KMT2D: variants seen among roughly 807,000 people sequenced by gnomAD.
KMT2D encodes lysine methyltransferase 2D, also known as histone-lysine N-methyltransferase 2D.
In KMT2D, 55 loss-of-function variants were observed where a neutral mutation model predicts 512.7. The observed-to-expected ratio is 0.11, with a 90% CI of 0.09 to 0.13. KMT2D has a LOEUF of 0.13. Ranked by LOEUF, KMT2D falls within the 10% of genes least tolerant of loss-of-function variation. KMT2D has a pLI of 1.00. For missense variants in KMT2D, 6,061 were observed against 7,127.9 expected (o/e 0.85, Z 5.39); for synonymous variants, 2,995 against 2,904.0 (o/e 1.03, Z -1.01).
chr12:49,057,206 C>T (rs1364457719), intron 1 of KMT2D, among the ~76,000 whole-genome samples: 3 of 152,180 alleles, frequency 2.0e-5, no homozygotes, highest in Admixed American at 2.0e-4. Flanking sequence ...CTGGCCACAC[C>T]CGGAAGGTCC....
chr12:49,035,021 A>G (rs1479375952), intron 35 of KMT2D, 86 bp from the exon 36 acceptor site: 19 of 1,536,034 alleles, frequency 1.2e-5, no homozygotes, highest in Non-Finnish European at 1.7e-5. Context: ...CCTGACTTCA[A>G]CCACGCCAGG....
chr12:49,034,127 A>G lies in KMT2D; in HGVS notation c.10680T>C (p.Asp3560=). ...CTGTAACCAGCTTGAGCTTCTCAGC[A>G]TCAGCTTCTGGGAACTCACGGCCAG... ...KKAGREFPEA[D]AEKLKLVTEQ... Residue 3560 remains aspartate, a synonymous_variant, in exon 39 of 55, where the codon GAT becomes GAC. Transcript: ENST00000301067. The G allele has an allele frequency of 2.5e-6, 4 of 1,613,212 alleles. No individual in the cohort carries two copies. The highest frequency in any genetic ancestry group is 2.5e-6 in the Non-Finnish European group (3 of 1,179,886).
chr12:49,046,117 G>C lies in KMT2D; in HGVS notation c.4641C>G (p.Ala1547=), dbSNP rs377048725. 6.2e-7 allele frequency: 1 copy of C among 1,610,864 alleles called. No individual in the cohort carries two copies. Among genetic ancestry groups the C allele is most frequent in the South Asian group, 1.1e-5 (1 of 90,510 alleles). The change falls in exon 18 of 55, where the codon GCC becomes GCG. Residue 1547 remains alanine, a synonymous_variant. Coordinates refer to ENST00000301067, the MANE Select transcript of KMT2D (RefSeq NM_003482.4). This position sits in a 1 kb window ranked among gnomAD's most constrained non-coding sequence, Gnocchi z 4.2. ...AGGAGACACAGTCAAAGCCTTCATC[G>C]GCTGCCTGCTCCACATCGTCCTCTG... ...LFTEDDVEQA[A]DEGFDCVSCQ...
In KMT2D at chr12:49,024,564, C is replaced by T. The variant is rs2137710473; in HGVS notation, c.16052+14G>A. ...CCACACCCACATCCCTTGGCTCCAG[C>T]ATCACAAGCTCACCGTTTGTAGTGT... On this transcript the variant is annotated intron_variant, in intron 51 of 54. Coordinates refer to ENST00000301067, the MANE Select transcript of KMT2D (RefSeq NM_003482.4). This position sits in a 1 kb window ranked among gnomAD's most constrained non-coding sequence, Gnocchi z 4.5. 2 of 1,596,820 alleles carry T rather than the reference C, an allele frequency of 1.3e-6. No homozygotes were observed. The highest frequency in any genetic ancestry group is 1.7e-6 in the Non-Finnish European group (2 of 1,168,970).
chr12:49,043,823 G>A (rs1473584787), intron 23 of KMT2D, 41 bp from the exon 24 acceptor site: 5 of 1,613,824 alleles, frequency 3.1e-6, no homozygotes, highest in East Asian at 2.2e-5. Context: ...TTCATGCCCT[G>A]CAGGGCACAG....
In KMT2D at chr12:49,032,612, T is replaced by C; in HGVS notation, c.12093A>G (p.Pro4031=). The change falls in exon 40 of 55, where the codon CCA becomes CCG. Residue 4031 remains proline (P), a synonymous_variant. Transcript: ENST00000301067. ...LTGKEQNTVD[P]AVSSEATEGP... ...CCTCAGTGGCCTCTGAAGAAACGGC[T>C]GGGTCTACGGTGTTTTGTTCCTTGC... 1 of 1,614,004 alleles carries C rather than the reference T, an allele frequency of 6.2e-7. No individual in the cohort carries two copies. The highest frequency in any genetic ancestry group is 8.5e-7 in the Non-Finnish European group (1 of 1,179,882).
chr12:49,056,121 G>A (rs988625575), intron 1 of KMT2D, among the ~76,000 whole-genome samples: 1 of 152,200 alleles, frequency 6.6e-6, no homozygotes. Flanking sequence ...GTTAACAGAA[G>A]TGGACCTTGA....
chr12:49,035,893 T>C (rs1943192802), intron 35 of KMT2D: 1 of 152,128 alleles, frequency 6.6e-6, no homozygotes, highest in Non-Finnish European at 1.5e-5. Context: ...TAACCCAAAC[T>C]CCCTCTCCTG....
Position 49,037,690 on chromosome 12 carries a change from C to T in KMT2D, c.9666G>A (p.Leu3222=), listed in dbSNP as rs753677026. 1 of 1,585,856 alleles carries T rather than the reference C, an allele frequency of 6.3e-7. No individual in the cohort carries two copies. The highest frequency in any genetic ancestry group is 8.6e-7 in the Non-Finnish European group (1 of 1,165,942). ...KFELESGALT[L]PGGPAASGDE... ...CCCCAGATGCTGCAGGTCCACCAGGCAAGGTCAAAGCCCCACTCTCGAGCT... is the reference window on the plus strand; with the variant it reads ...CCCCAGATGCTGCAGGTCCACCAGGTAAGGTCAAAGCCCCACTCTCGAGCT... The change falls in exon 35 of 55, where the codon TTG becomes TTA. Residue 3222 remains leucine (L), a synonymous_variant. Transcript: ENST00000301067.
In KMT2D at chr12:49,046,093, G is replaced by C. The variant is rs780062908; in HGVS notation, c.4665C>G (p.Ser1555=). 1 of 1,611,492 alleles carries C rather than the reference G, an allele frequency of 6.2e-7. No homozygotes were observed. The highest frequency in any genetic ancestry group is 1.1e-5 in the South Asian group (1 of 90,622). The part of the protein sequence containing the change: ...QAADEGFDCV[S]CQPYVVKPVA... The stretch of plus-strand genomic sequence containing the variant: ...CAGGCTTTACCACGTAGGGCTGGCA[G>C]GAGACACAGTCAAAGCCTTCATCGG... Residue 1555 remains serine, a synonymous_variant, in exon 18 of 55, where the codon TCC becomes TCG. Coordinates refer to ENST00000301067, the MANE Select transcript of KMT2D (RefSeq NM_003482.4). This position sits in a 1 kb window ranked among gnomAD's most constrained non-coding sequence, Gnocchi z 4.2.
In KMT2D at chr12:49,024,870, A is replaced by G. The variant is rs1286288559; in HGVS notation, c.15861T>C (p.Tyr5287=). ...EADMLRLFPE[Y]LKGEELFGLT... is the part of the protein sequence containing the mutation. ...GCCCAAAGAGCTCCTCGCCCTTCAG[A>G]TACTCAGGGAAGAGTCGCAGCATGT... The change falls in exon 50 of 55, where the codon TAT becomes TAC. Residue 5287 remains tyrosine (Y), a synonymous_variant. Transcript: ENST00000301067. The surrounding 1 kb of genome is among the most constrained non-coding windows in gnomAD (Gnocchi z 4.5). The G allele has an allele frequency of 5.0e-6, 8 of 1,610,134 alleles. No individual in the cohort carries two copies. Among genetic ancestry groups the G allele is most frequent in the Non-Finnish European group, 5.9e-6 (7 of 1,178,268 alleles).
At position 49,060,725 on chromosome 12, in the gene KMT2D, C is replaced by T. The variant is rs1013020862; in HGVS notation, c.-1150G>A. Among the ~76,000 whole-genome samples the T allele has an allele frequency of 1.3e-5, 2 of 152,256 alleles. No individual in the cohort carries two copies. The highest frequency in any genetic ancestry group is 2.9e-5 in the Non-Finnish European group (2 of 68,048). On this transcript the variant is annotated 5_prime_UTR_variant, in exon 1 of 55. Coordinates refer to ENST00000301067, the MANE Select transcript of KMT2D (RefSeq NM_003482.4). ...CGCTAGATCCGGGGGGGCCTTTTGC[C>T]CGGGGCACCCCACTCGAGAGGGGGA...
chr12:49,052,249 T>A lies in KMT2D; in HGVS notation c.1434A>T (p.Pro478=), dbSNP rs770225131. The part of the protein sequence containing the change: ...SPPPEELPAS[P]LPEALHLSRP... ...GGGACAGGTGCAATGCCTCAGGAAG[T>A]GGGGATGCGGGCAATTCCTCAGGTG... Residue 478 remains proline (P), a synonymous_variant, in exon 11 of 55, where the codon CCA becomes CCT. Transcript: ENST00000301067. The A allele has an allele frequency of 3.5e-5, 56 of 1,605,850 alleles. No individual in the cohort carries two copies. Among genetic ancestry groups the A allele is most frequent in the Non-Finnish European group, 4.3e-5 (51 of 1,177,054 alleles).
rs369501280 is a variant in KMT2D, at chr12:49,041,265, C to G, written c.6505G>C (p.Ala2169Pro). The change falls in exon 32 of 55, where the codon GCC (alanine) becomes CCC (proline). Residue 2169 changes from alanine (A) to proline (P), a missense_variant. By Grantham distance (27) the Ala-to-Pro change is conservative (BLOSUM62 -1). This residue lies in a region of KMT2D where 710 missense variants were observed against 647.3 expected (regional missense o/e 1.10). Transcript: ENST00000301067. The surrounding 1 kb of genome is among the most constrained non-coding windows in gnomAD (Gnocchi z 5.4). ...LFLKLPPQVPAQVPSQDPFGL... is the reference protein window; with the variant it reads ...LFLKLPPQVPPQVPSQDPFGL... The stretch of plus-strand genomic sequence containing the variant: ...AAGGGGTCCTGCGAAGGCACTTGGG[C>G]GGGCACCTGGGGTGGGAGCTTGAGG... 6.6e-7 allele frequency: 1 copy of G among 1,517,274 alleles called. No individual in the cohort carries two copies. Among genetic ancestry groups the G allele is most frequent in the East Asian group, 2.3e-5 (1 of 43,756 alleles). 94.0% of individuals were successfully genotyped at this position (1,517,274 alleles called of 1,614,324 possible).
Position 49,026,362 on chromosome 12 carries a change from C to T in KMT2D, c.15604G>A (p.Ala5202Thr), listed in dbSNP as rs2137715630. The change falls in exon 49 of 55, where the codon GCC (alanine) becomes ACC (threonine). Residue 5202 changes from alanine to threonine, a missense_variant. Physicochemically the swap from Ala to Thr is moderately conservative, Grantham distance 58. This residue lies in a region of KMT2D where 261 missense variants were observed against 440.7 expected (regional missense o/e 0.59). Transcript: ENST00000301067. The surrounding 1 kb of genome is among the most constrained non-coding windows in gnomAD (Gnocchi z 9.6). ...LPHQMADFHSATALYPVGYEA... is the reference protein window; with the variant it reads ...LPHQMADFHSTTALYPVGYEA... ...TAGCCCACGGGATAGAGGGCAGTGG[C>T]ACTATGAAAGTCAGCCATCTGGTGA... 6.2e-7 allele frequency: 1 copy of T among 1,612,558 alleles called. No individual in the cohort carries two copies. Among genetic ancestry groups the T allele is most frequent in the Non-Finnish European group, 8.5e-7 (1 of 1,178,644 alleles).
In KMT2D at chr12:49,053,165, GAC is replaced by G. The variant is rs748886643; in HGVS notation, c.954+40_954+41del. 2.7e-5 allele frequency: 43 copies of G among 1,609,868 alleles called. No individual in the cohort carries two copies. In the Middle Eastern group the frequency reaches 1.2e-3, roughly 43 times the overall value. On this transcript the variant is annotated intron_variant, in intron 8 of 54. Transcript: ENST00000301067. ...TGTCAAGACAGAGAATGCTGTAGCAGACACAGTTAGGGACAATAGGGCAGAAT... is the reference window on the plus strand; with the variant it reads ...TGTCAAGACAGAGAATGCTGTAGCAGACAGTTAGGGACAATAGGGCAGAAT...
rs368920289 is a variant in KMT2D at position 49,029,119 on chromosome 12, C to T, written c.14193G>A (p.Glu4731=). The T allele has an allele frequency of 2.5e-5, 40 of 1,612,582 alleles. No individual in the cohort carries two copies. In the African/African-American group the frequency reaches 5.1e-4, roughly 20 times the overall value. The change falls in exon 45 of 55, where the codon GAG becomes GAA. Residue 4731 remains glutamate, a synonymous_variant. Transcript: ENST00000301067. ...RFPHLGSGRW[E]QEDRALSPVI... is the part of the protein sequence containing the mutation. ...CAGGGGAGAGGGCCCGGTCCTCTTGCTCCCACCGGCCTGAGCCCAGATGAG... is the reference window on the plus strand; with the variant it reads ...CAGGGGAGAGGGCCCGGTCCTCTTGTTCCCACCGGCCTGAGCCCAGATGAG...
In KMT2D at chr12:49,042,933, A is replaced by G. The variant is rs1819238085; in HGVS notation, c.5645-55T>C. 6.2e-7 allele frequency: 1 copy of G among 1,606,284 alleles called. No homozygotes were observed. The highest frequency in any genetic ancestry group is 1.4e-5 in the African/African-American group (1 of 73,764). On this transcript the variant is annotated intron_variant, in intron 26 of 54. Transcript: ENST00000301067. The surrounding 1 kb of genome is among the most constrained non-coding windows in gnomAD (Gnocchi z 4.4). ...AAGACTGGGAAGTTCAGGTGACACCACAGGTCTACAAATGATCATGGCCAG... is the reference window on the plus strand; with the variant it reads ...AAGACTGGGAAGTTCAGGTGACACCGCAGGTCTACAAATGATCATGGCCAG...
Position 49,042,120 on chromosome 12 carries a change from A to T in KMT2D, c.6078T>A (p.Ile2026=). 1 of 1,613,702 alleles carries T rather than the reference A, an allele frequency of 6.2e-7. No individual in the cohort carries two copies. The highest frequency in any genetic ancestry group is 8.5e-7 in the Non-Finnish European group (1 of 1,179,770). ...AGTCTTGCTTGAGATTAGGAAAATT[A>T]ATGTTGGCATAGAGCACAGGTGAGA... ...STISPVLYAN[I]NFPNLKQDYP... Residue 2026 remains isoleucine (I), a synonymous_variant, in exon 29 of 55, where the codon ATT becomes ATA. Transcript: ENST00000301067. The surrounding 1 kb of genome is among the most constrained non-coding windows in gnomAD (Gnocchi z 4.4).
Sources: allele counts gnomAD v4.1 joint callset (sites outside exome capture counted in the v4.1 genomes callset), GRCh38; gene constraint gnomAD v4.1.1; regional missense constraint gnomAD v4.1.1; non-coding constraint Gnocchi (gnomAD v3.1); transcripts MANE v1.5; gene names NCBI Gene and HGNC (gene_info 2026-07-23, HGNC 2026-07-21).